ALDH1L2: variants seen among roughly 807,000 people sequenced by gnomAD.
The protein encoded by ALDH1L2 is aldehyde dehydrogenase 1 family member L2, also known as mitochondrial 10-formyltetrahydrofolate dehydrogenase.
ALDH1L2 carries 91 observed loss-of-function variants against 111.0 expected under a neutral mutation model. The observed-to-expected ratio is 0.82, with a 90% CI of 0.69 to 0.98. The LOEUF is 0.98. Among genes scored for constraint, ALDH1L2 ranks in the 50% least tolerant of loss-of-function variants. The pLI is 0.00. For synonymous variants in ALDH1L2, 374 were observed against 392.6 expected (o/e 0.95, Z 0.56); for missense variants, 995 against 1,126.8 (o/e 0.88, Z 1.67).
At position 105,022,975 on chromosome 12, in the gene ALDH1L2, T is replaced by C. The variant is rs1038412720; in HGVS notation, c.*1449A>G. 2 of 152,232 alleles carry C rather than the reference T, an allele frequency of 1.3e-5. No homozygotes were observed. The highest frequency in any genetic ancestry group is 2.9e-5 in the Non-Finnish European group (2 of 68,048). The allele number at this position is 152,232 out of a possible 1,614,324, so 9.4% of individuals were successfully genotyped here. A position where few individuals can be genotyped will look rare whatever the true frequency, so the allele number is the denominator to read the frequency against. On this transcript the variant is annotated 3_prime_UTR_variant, in exon 23 of 23. Coordinates refer to ENST00000258494, the MANE Select transcript of ALDH1L2 (RefSeq NM_001034173.4). ...AACTTTCTGGCTATCTTTTGGAGAC[T>C]CATGTGATTCAGAAATTTGCCGCCT...
chr12:105,038,257 C>T (rs1211563443), intron 17 of ALDH1L2, 55 bp from the exon 18 acceptor site: 1 of 729,400 alleles, frequency 1.4e-6, no homozygotes. Context: ...CTCTCTCTCT[C>T]TCTCACACAC....
At position 105,020,099 on chromosome 12, in the gene ALDH1L2, A is replaced by C. The variant is rs1177201729; in HGVS notation, c.*4325T>G. 1.3e-5 allele frequency: 2 copies of C among 152,156 alleles called. No homozygotes were observed. Among genetic ancestry groups the C allele is most frequent in the Non-Finnish European group, 2.9e-5 (2 of 68,026 alleles). 9.4% of individuals were successfully genotyped at this position (152,156 alleles called of 1,614,324 possible). A position where few individuals can be genotyped will look rare whatever the true frequency, so the allele number is the denominator to read the frequency against. ...CTCAGGCATCATTTGTATAATAGTA[A>C]TAATAATTTAATCCCCCTTATTTCT... is the stretch of plus-strand genomic sequence containing the variant. On this transcript the variant is annotated 3_prime_UTR_variant, in exon 23 of 23. Transcript: ENST00000258494.
At chr12:105,056,268 A>G (rs1876624537) in intron 10 of ALDH1L2, among the ~76,000 whole-genome samples, 1 of 152,188 alleles carries the variant, frequency 6.6e-6, no homozygotes, top group African/African-American at 2.4e-5. Flanking sequence ...ACTTAAAATG[A>G]TAAAAGAAAA....
chr12:105,056,826 TAAAAG>T (rs764747715), intron 10 of ALDH1L2, among the ~76,000 whole-genome samples: 1 of 149,126 alleles, frequency 6.7e-6, no homozygotes, highest in Non-Finnish European at 1.5e-5. Flanking sequence ...ATATTTAACA[TAAAAG>T]AAAGCAGTGA....
At chr12:105,045,655 C>G (rs75621636) in intron 15 of ALDH1L2, among the ~76,000 whole-genome samples, 338 of 152,164 alleles carry the variant, frequency 2.2e-3, no homozygotes, top group African/African-American at 7.4e-3. Flanking sequence ...CTCTTTGTAT[C>G]TTTTGAATTT....
At chr12:105,056,644 G>A (rs1876647651) in intron 10 of ALDH1L2, among the ~76,000 whole-genome samples, 1 of 151,666 alleles carries the variant, frequency 6.6e-6, no homozygotes, top group Admixed American at 6.6e-5. Context: ...AATTAGGGGA[G>A]TATGCAACAA....
intron 6 of ALDH1L2, among the ~76,000 whole-genome samples, chr12:105,065,007 T>C (rs918307887): frequency 1.3e-5 from 2 of 152,166 alleles, no homozygotes; most frequent in Non-Finnish European, 2.9e-5. Context: ...GCCTCCATGA[T>C]AGCGTTTATC....
chr12:105,024,300 TG>T lies in ALDH1L2; in HGVS notation c.*123del. ...CTTTAACATGGCCTGGCCCTCTTCATGGTCCATCTGTGTATTTTTTGGTTTG... is the reference window on the plus strand; with the variant it reads ...CTTTAACATGGCCTGGCCCTCTTCATGTCCATCTGTGTATTTTTTGGTTTG... On this transcript the variant is annotated 3_prime_UTR_variant, in exon 23 of 23. Transcript: ENST00000258494. 1 of 1,022,278 alleles carries T rather than the reference TG, an allele frequency of 9.8e-7. No individual in the cohort carries two copies. Among genetic ancestry groups the T allele is most frequent in the Non-Finnish European group, 1.5e-6 (1 of 663,188 alleles). 63.3% of individuals were successfully genotyped at this position (1,022,278 alleles called of 1,614,324 possible).
chr12:105,084,179 G>A (rs1336614304), intron 1 of ALDH1L2, among the ~76,000 whole-genome samples: 2 of 152,236 alleles, frequency 1.3e-5, no homozygotes, highest in African/African-American at 4.8e-5. Flanking sequence ...TGGCCTGCGT[G>A]CCAGTTCCCA....
chr12:105,081,112 A>G (rs1002532612), intron 1 of ALDH1L2, among the ~76,000 whole-genome samples: 1 of 152,196 alleles, frequency 6.6e-6, no homozygotes, highest in Non-Finnish European at 1.5e-5. Context: ...GTTATATACA[A>G]ATATTACCCG....
chr12:105,059,267 AAATAATAATAAT>A (rs56329502), intron 9 of ALDH1L2, among the ~76,000 whole-genome samples: 7,316 of 138,228 alleles, frequency 0.053, 499 homozygotes, highest in East Asian at 0.16. Context: ...CTCTGTCTCA[AAATAATAATAAT>A]AATAATAATA....
intron 19 of ALDH1L2, among the ~76,000 whole-genome samples, chr12:105,032,840 CT>C (rs1186173088): frequency 2.6e-5 from 4 of 151,678 alleles, no homozygotes; most frequent in Admixed American, 6.6e-5. Context: ...ACATTGTTAT[CT>C]TTTTTTTTCC....
At position 105,069,972 on chromosome 12, in the gene ALDH1L2, T is replaced by G. The variant is rs538954455; in HGVS notation, c.428+598A>C. On this transcript the variant is annotated intron_variant, in intron 3 of 22. Transcript: ENST00000258494. ...ATCATTTCAAGTAATTACTTGATGA[T>G]TATTTCAAGTAATTCAGCATTTCCT... Among the ~76,000 whole-genome samples, 166 of 152,330 alleles carry G rather than the reference T, an allele frequency of 1.1e-3. 1 individual carries two copies. Among genetic ancestry groups the G allele is most frequent in the Admixed American group, 2.1e-3 (32 of 15,296 alleles).
chr12:105,042,835 C>G (rs932222546), intron 15 of ALDH1L2, among the ~76,000 whole-genome samples: 3 of 151,912 alleles, frequency 2.0e-5, no homozygotes, highest in African/African-American at 7.3e-5. Context: ...TGGATCTCAC[C>G]TTAAACATCT....
chr12:105,038,726 A>G (rs553962871), intron 17 of ALDH1L2, among the ~76,000 whole-genome samples: 45 of 152,268 alleles, frequency 3.0e-4, no homozygotes, highest in African/African-American at 1.0e-3. Flanking sequence ...AGATGGTAGA[A>G]TGGTGATTAC....
At chr12:105,047,983 T>A (rs906764136) in intron 13 of ALDH1L2, 5 of 152,224 alleles carry the variant, frequency 3.3e-5, no homozygotes, top group Admixed American at 6.5e-5. Flanking sequence ...AGGTCAGGGT[T>A]TGGCATCAAA....
chr12:105,027,475 G>A (rs1874472597), intron 21 of ALDH1L2, among the ~76,000 whole-genome samples: 1 of 152,182 alleles, frequency 6.6e-6, no homozygotes, highest in Non-Finnish European at 1.5e-5. Flanking sequence ...GATCCCACCA[G>A]TGCCATTGTC....
chr12:105,026,936 A>G (rs770345012), intron 21 of ALDH1L2, among the ~76,000 whole-genome samples, 192 bp from the exon 22 acceptor site: 5 of 152,222 alleles, frequency 3.3e-5, no homozygotes, highest in Non-Finnish European at 5.9e-5. Context: ...TGGCACAATC[A>G]TAGCTCACTG....
rs766648664 is a variant in ALDH1L2 at position 105,030,376 on chromosome 12, C to T, written c.2464G>A (p.Ala822Thr). The change falls in exon 21 of 23, where the codon GCC becomes ACC. Residue 822 changes from alanine to threonine, a missense_variant. Ala to Thr is a moderately conservative substitution (Grantham distance 58). Transcript: ENST00000258494. ...FTDVEDYMYL[A>T]KEESFGPIMV... is the part of the protein sequence containing the mutation. Reference sequence around the variant, plus strand: ...ATAGGCCCAAAGGATTCCTCTTTGGCGAGGTACATGTAGTCTTCCACATCT... The same window carrying T: ...ATAGGCCCAAAGGATTCCTCTTTGGTGAGGTACATGTAGTCTTCCACATCT... 30 of 1,613,202 alleles carry T rather than the reference C, an allele frequency of 1.9e-5. No homozygotes were observed. Among genetic ancestry groups the T allele is most frequent in the South Asian group, 6.6e-5 (6 of 90,932 alleles).
Sources: gnomAD v4.1 joint callset for allele counts (sites outside exome capture counted in the v4.1 genomes callset) on GRCh38, gnomAD v4.1.1 for gene constraint, MANE v1.5 for transcripts, NCBI Gene and HGNC (gene_info 2026-07-23, HGNC 2026-07-21) for gene names.